PRKN: variants seen among roughly 807,000 people sequenced by gnomAD.
PRKN encodes E3 ubiquitin-protein ligase parkin.
In PRKN, 56 loss-of-function variants were observed where a neutral mutation model predicts 59.5. The ratio of observed to expected loss-of-function variants is 0.94; its 90% CI spans 0.76 to 1.18. The LOEUF is 1.18. Ranked by LOEUF, PRKN falls within the 50% of genes most tolerant of loss-of-function variation. The probability of loss-of-function intolerance (pLI) is 0.00; values close to 1 mark genes in which losing one functional copy is unlikely to be tolerated. For missense variants in PRKN, 657 were observed against 596.4 expected (o/e 1.10, Z -1.06); for synonymous variants, 250 against 222.1 (o/e 1.13, Z -1.12).
At chr6:161,692,974 T>C (rs1235703774) in intron 7 of PRKN, among the ~76,000 whole-genome samples, 1 of 146,956 alleles carries the variant, frequency 6.8e-6, no homozygotes, top group East Asian at 2.0e-4. Context: ...AAGAAAAAAG[T>C]GGATGGATAT....
intron 7 of PRKN, among the ~76,000 whole-genome samples, chr6:161,691,369 T>A (rs957294405): frequency 2.0e-5 from 3 of 152,190 alleles, no homozygotes; most frequent in African/African-American, 7.2e-5. Flanking sequence ...GCAGGTTCAG[T>A]TCTACTTTTA....
intron 5 of PRKN, among the ~76,000 whole-genome samples, chr6:162,011,222 A>AT (rs563660554): frequency 1.9e-4 from 4 of 21,192 alleles, no homozygotes; most frequent in Admixed American, 4.9e-4. Context: ...TATAGTATAT[A>AT]TTTATAATAT....
chr6:161,733,798 G>GTGTA (rs1787839642), intron 7 of PRKN, among the ~76,000 whole-genome samples: 29 of 122,378 alleles, frequency 2.4e-4, no homozygotes, highest in African/African-American at 8.4e-4. Flanking sequence ...ATATATATAT[G>GTGTA]TATATATATA....
At chr6:162,134,568 T>A (rs1396112765) in intron 4 of PRKN, among the ~76,000 whole-genome samples, 1 of 152,072 alleles carries the variant, frequency 6.6e-6, no homozygotes, top group Non-Finnish European at 1.5e-5. Flanking sequence ...TTAACTAGAA[T>A]GTCTGAGTAG....
intron 6 of PRKN, among the ~76,000 whole-genome samples, chr6:161,874,486 T>C (rs1175115023): frequency 2.8e-5 from 3 of 107,614 alleles, no homozygotes; most frequent in African/African-American, 1.2e-4. Flanking sequence ...GTAAAATATA[T>C]ATTATATGTA....
intron 1 of PRKN, among the ~76,000 whole-genome samples, chr6:162,619,941 AT>A (rs1248176526): frequency 6.6e-6 from 1 of 152,146 alleles, no homozygotes; most frequent in Non-Finnish European, 1.5e-5. Flanking sequence ...CTCTCACAAT[AT>A]TTTTTATAAA....
chr6:162,376,873 AG>A (rs1391777353), intron 2 of PRKN, among the ~76,000 whole-genome samples: 1 of 87,080 alleles, frequency 1.1e-5, no homozygotes, highest in African/African-American at 4.5e-5. Context: ...GGGGAGGAAG[AG>A]GGGGAGAGGG....
intron 1 of PRKN, among the ~76,000 whole-genome samples, chr6:162,456,211 G>T (rs1316550948): frequency 6.6e-6 from 1 of 152,060 alleles, no homozygotes; most frequent in Non-Finnish European, 1.5e-5. Flanking sequence ...CAATGAAAAG[G>T]AAGAACAAAA....
intron 7 of PRKN, among the ~76,000 whole-genome samples, chr6:161,770,485 T>C (rs1030241070): frequency 3.3e-5 from 5 of 151,972 alleles, no homozygotes; most frequent in African/African-American, 1.2e-4. Context: ...TATTCATTTA[T>C]GAGACAGAGT....
chr6:161,875,179 A>ATGTGTG (rs35912782), intron 6 of PRKN, among the ~76,000 whole-genome samples: 1 of 138,484 alleles, frequency 7.2e-6, no homozygotes, highest in African/African-American at 2.9e-5. Flanking sequence ...TATAAAATAT[A>ATGTGTG]TGTGTGTGTG....
intron 3 of PRKN, among the ~76,000 whole-genome samples, chr6:162,211,572 A>C (rs904622632): frequency 1.3e-5 from 2 of 152,224 alleles, no homozygotes; most frequent in Non-Finnish European, 2.9e-5. Context: ...TACGTAAATG[A>C]ACCCTCAGAG....
At chr6:161,644,231 A>T (rs1783844157) in intron 7 of PRKN, among the ~76,000 whole-genome samples, 1 of 152,220 alleles carries the variant, frequency 6.6e-6, no homozygotes, top group Non-Finnish European at 1.5e-5. Context: ...GACCCAAACT[A>T]ACCAGACTGT....
In PRKN at chr6:161,417,701, A is replaced by G. The variant is rs1278256071; in HGVS notation, c.1084-30824T>C. Among the ~76,000 whole-genome samples the G allele has an allele frequency of 2.0e-5, 3 of 152,190 alleles. No individual in the cohort carries two copies. Among genetic ancestry groups the G allele is most frequent in the Non-Finnish European group, 4.4e-5 (3 of 68,044 alleles). On this transcript the variant is annotated intron_variant, in intron 9 of 11. Coordinates refer to ENST00000366898, the MANE Select transcript of PRKN (RefSeq NM_004562.3). The surrounding 1 kb of genome is among the most constrained non-coding windows in gnomAD (Gnocchi z 5.4). ...AAACTCAGGTTAAATAACTTTCACA[A>G]CACATTGGAAATTTAGGCTGCCAAT...
chr6:161,709,538 CT>C (rs1786654060), intron 7 of PRKN, among the ~76,000 whole-genome samples: 1 of 152,082 alleles, frequency 6.6e-6, no homozygotes, highest in African/African-American at 2.4e-5. Context: ...CAATTCTAAC[CT>C]TTGTTCTAAG....
At chr6:162,509,697 C>T (rs1298435101) in intron 1 of PRKN, among the ~76,000 whole-genome samples, 1 of 152,024 alleles carries the variant, frequency 6.6e-6, no homozygotes, top group Non-Finnish European at 1.5e-5. Flanking sequence ...CTTTGCTATC[C>T]CCAGAGCAGT....
At chr6:161,491,150 G>C (rs548676031) in intron 9 of PRKN, among the ~76,000 whole-genome samples, 50 of 152,172 alleles carry the variant, frequency 3.3e-4, no homozygotes, top group Non-Finnish European at 6.9e-4. Context: ...TTTCTTTAGA[G>C]TCGAGCACTT....
intron 9 of PRKN, among the ~76,000 whole-genome samples, chr6:161,421,679 A>G (rs556831655): frequency 7.9e-6 from 1 of 127,308 alleles, no homozygotes; most frequent in Admixed American, 8.2e-5. Context: ...TAAAGAGACT[A>G]CATTAGATAT....
Position 161,483,899 on chromosome 6 carries a change from C to T in PRKN, c.1083+64955G>A, listed in dbSNP as rs1791530470. On this transcript the variant is annotated intron_variant, in intron 9 of 11. Transcript: ENST00000366898. The surrounding 1 kb of genome is among the most constrained non-coding windows in gnomAD (Gnocchi z 5.0). ...CAGGGACATGGATGAAGCTGGAAAC[C>T]GTTATCCTCAGCAAACTAATGCAGG... 2.0e-5 allele frequency among the ~76,000 whole-genome samples: 3 copies of T among 152,124 alleles called. No homozygotes were observed. The highest frequency in any genetic ancestry group is 1.3e-4 in the Admixed American group (2 of 15,276).
At chr6:161,730,932 T>A (rs915190635) in intron 7 of PRKN, among the ~76,000 whole-genome samples, 1 of 152,216 alleles carries the variant, frequency 6.6e-6, no homozygotes. Flanking sequence ...TTCTGACGTG[T>A]TGCATTCTTT....
Sources: allele counts gnomAD v4.1 joint callset (sites outside exome capture counted in the v4.1 genomes callset), GRCh38; gene constraint gnomAD v4.1.1; non-coding constraint Gnocchi (gnomAD v3.1); transcripts MANE v1.5; gene names NCBI Gene and HGNC (gene_info 2026-07-23, HGNC 2026-07-21).